Variants in DPF3 observed in about 807,000 individuals in gnomAD.
DPF3 encodes zinc finger protein DPF3.
In DPF3, 18 loss-of-function variants were observed where a neutral mutation model predicts 56.8. The ratio of observed to expected loss-of-function variants is 0.32; its 90% CI spans 0.22 to 0.47. The LOEUF (loss-of-function observed/expected upper bound fraction) is 0.47. DPF3 is among the 20% of genes least tolerant of loss of function. The probability of loss-of-function intolerance (pLI) is 1.00; values close to 1 mark genes in which losing one functional copy is unlikely to be tolerated. For missense variants in DPF3, 403 were observed against 488.8 expected (o/e 0.82, Z 1.65); for synonymous variants, 188 against 180.2 (o/e 1.04, Z -0.35).
chr14:72,829,934 T>C (rs7154293), intron 1 of DPF3, among the ~76,000 whole-genome samples: 148,327 of 152,186 alleles, frequency 0.97, 72,331 homozygotes, highest in East Asian at 1. Flanking sequence ...TTAGTAGAGA[T>C]GGGGTTTCAC....
At chr14:72,884,971 T>TATATATATATATATATACA (rs10523148) in intron 1 of DPF3, among the ~76,000 whole-genome samples, 1 of 111,684 alleles carries the variant, frequency 9.0e-6, no homozygotes, top group Non-Finnish European at 1.9e-5. Flanking sequence ...TATATATATA[T>TATATATATATATATATACA]TAGCCGGGCG....
intron 6 of DPF3, among the ~76,000 whole-genome samples, chr14:72,695,338 C>A (rs1195602873): frequency 6.6e-6 from 1 of 152,150 alleles, no homozygotes; most frequent in Non-Finnish European, 1.5e-5. Flanking sequence ...TTTTTTGCTG[C>A]ATCTTAGGTA....
chr14:72,830,130 C>T (rs1883991934), intron 1 of DPF3, among the ~76,000 whole-genome samples: 1 of 152,160 alleles, frequency 6.6e-6, no homozygotes, highest in Non-Finnish European at 1.5e-5. Context: ...ACCATTGTTT[C>T]TTAAAAGAAA....
chr14:72,674,980 G>C, intron 7 of DPF3, among the ~76,000 whole-genome samples: 1 of 152,200 alleles, frequency 6.6e-6, no homozygotes, highest in South Asian at 2.1e-4. Context: ...CAGACCCATT[G>C]ATCATGGAAA....
intron 1 of DPF3, among the ~76,000 whole-genome samples, chr14:72,848,127 A>G (rs560754589): frequency 6.6e-4 from 101 of 152,302 alleles, no homozygotes; most frequent in Non-Finnish European, 1.1e-3. Context: ...TGACAAATAA[A>G]TAAACTTCTG....
At chr14:72,712,365 T>C (rs538528235) in intron 6 of DPF3, among the ~76,000 whole-genome samples, 2 of 152,094 alleles carry the variant, frequency 1.3e-5, no homozygotes, top group South Asian at 4.2e-4. Flanking sequence ...TTCATGGAGA[T>C]GATCCACAAG....
At chr14:72,889,219 T>C (rs1311297955) in intron 1 of DPF3, among the ~76,000 whole-genome samples, 1 of 152,198 alleles carries the variant, frequency 6.6e-6, no homozygotes, top group Non-Finnish European at 1.5e-5. Flanking sequence ...CCGGGAGGCC[T>C]GCAGACCAGG....
chr14:72,630,534 C>G (rs1382583231), intron 8 of DPF3, among the ~76,000 whole-genome samples: 1 of 152,174 alleles, frequency 6.6e-6, no homozygotes, highest in African/African-American at 2.4e-5. Context: ...CAAGACTTGG[C>G]CTGTGGAACT....
At chr14:72,832,487 A>G (rs1283742820) in intron 1 of DPF3, among the ~76,000 whole-genome samples, 1 of 152,146 alleles carries the variant, frequency 6.6e-6, no homozygotes, top group African/African-American at 2.4e-5. Flanking sequence ...TAGAATCCAA[A>G]TACGATTTCA....
At chr14:72,849,101 C>A (rs1478245261) in intron 1 of DPF3, among the ~76,000 whole-genome samples, 1 of 152,176 alleles carries the variant, frequency 6.6e-6, no homozygotes, top group Non-Finnish European at 1.5e-5. Context: ...AAGTAAAATT[C>A]AAACCCAAGT....
chr14:72,864,658 A>G (rs1486790790), intron 1 of DPF3, among the ~76,000 whole-genome samples: 1 of 151,852 alleles, frequency 6.6e-6, no homozygotes. Context: ...CCAGGTTGGC[A>G]CTCAGTAATT....
chr14:72,628,648 G>A (rs1567182046), intron 9 of DPF3, among the ~76,000 whole-genome samples: 1 of 151,980 alleles, frequency 6.6e-6, no homozygotes, highest in East Asian at 1.9e-4. Context: ...GAGAGAGAGA[G>A]AGAGAGAGAT....
At chr14:72,753,393 A>G (rs752304279) in intron 2 of DPF3, 22 bp from the exon 3 acceptor site, 6 of 1,589,214 alleles carry the variant, frequency 3.8e-6, no homozygotes, top group Non-Finnish European at 5.1e-6. Context: ...GACAATATAA[A>G]GATTAAAGGC....
intron 1 of DPF3, among the ~76,000 whole-genome samples, chr14:72,882,827 G>C (rs1428022761): frequency 1.3e-5 from 2 of 152,096 alleles, no homozygotes; most frequent in African/African-American, 2.4e-5. Flanking sequence ...ACCTATAGTG[G>C]TTTTCCTAGG....
intron 8 of DPF3, among the ~76,000 whole-genome samples, chr14:72,649,890 T>C (rs1189903398): frequency 9.2e-5 from 14 of 152,202 alleles, no homozygotes; most frequent in Middle Eastern, 3.2e-3. Flanking sequence ...ACGTATCTTA[T>C]TCCAACCAAC....
intron 7 of DPF3, among the ~76,000 whole-genome samples, chr14:72,682,446 T>C (rs1162476426): frequency 6.6e-6 from 1 of 152,200 alleles, no homozygotes; most frequent in Non-Finnish European, 1.5e-5. Flanking sequence ...CAAAGTGATG[T>C]CACTCCCCTT....
At chr14:72,768,718 A>T (rs541650494) in intron 2 of DPF3, among the ~76,000 whole-genome samples, 3 of 152,336 alleles carry the variant, frequency 2.0e-5, no homozygotes, top group Admixed American at 2.0e-4. Flanking sequence ...AAGCAAAATG[A>T]AACAAATAAA....
At chr14:72,705,767 C>T (rs895969910) in intron 6 of DPF3, among the ~76,000 whole-genome samples, 3 of 152,230 alleles carry the variant, frequency 2.0e-5, no homozygotes, top group Non-Finnish European at 4.4e-5. Flanking sequence ...TGATTCTGGC[C>T]TGGGCCCTGC....
intron 8 of DPF3, among the ~76,000 whole-genome samples, chr14:72,660,459 G>C (rs1280118796): frequency 6.6e-6 from 1 of 152,194 alleles, no homozygotes; most frequent in African/African-American, 2.4e-5. Flanking sequence ...ACCTGGTTCT[G>C]TCTGACCTAG....
Sources: gnomAD v4.1 joint callset for allele counts (sites outside exome capture counted in the v4.1 genomes callset) on GRCh38, gnomAD v4.1.1 for gene constraint, MANE v1.5 for transcripts, NCBI Gene and HGNC (gene_info 2026-07-23, HGNC 2026-07-21) for gene names.